Variants in CMIP observed in about 807,000 individuals in gnomAD.
CMIP encodes C-Maf-inducing protein.
In CMIP, 13 loss-of-function variants were observed where a neutral mutation model predicts 97.3. The observed-to-expected ratio is 0.13, with a 90% CI of 0.09 to 0.21. The LOEUF is 0.21. Ranked by LOEUF, CMIP falls within the 10% of genes least tolerant of loss-of-function variation. CMIP has a pLI of 1.00. For synonymous variants in CMIP, 538 were observed against 436.3 expected (o/e 1.23, Z -2.91); for missense variants, 847 against 1,024.9 (o/e 0.83, Z 2.37).
intron 1 of CMIP, among the ~76,000 whole-genome samples, chr16:81,478,605 C>T (rs367894302): frequency 1.1e-4 from 16 of 152,298 alleles, no homozygotes; most frequent in East Asian, 9.6e-4. Context: ...GTGGTCCCCT[C>T]CACCCTCCAG....
chr16:81,696,741 G>C (rs549505520), intron 14 of CMIP, 74 bp downstream of exon 14: 3 of 1,388,260 alleles, frequency 2.2e-6, no homozygotes, highest in Non-Finnish European at 2.9e-6. Flanking sequence ...TAAAACAGCC[G>C]TCCCCCATCC....
intron 17 of CMIP, 142 bp downstream of exon 17, chr16:81,702,811 A>T: frequency 1.4e-6 from 1 of 712,626 alleles, no homozygotes; most frequent in East Asian, 2.7e-5. Context: ...TTAACACGCC[A>T]GCTCTTCCAG....
At chr16:81,502,243 T>TG (rs1221388402) in intron 1 of CMIP, among the ~76,000 whole-genome samples, 5 of 152,222 alleles carry the variant, frequency 3.3e-5, no homozygotes, top group African/African-American at 1.2e-4. Context: ...TTAGGTGAGA[T>TG]GCTACATCAG....
In CMIP at chr16:81,445,341, A is replaced by C; in HGVS notation, c.100A>C (p.Lys34Gln). Reference sequence around the variant, plus strand: ...CGACGTGTCGGCCCCCGAAGGCACGAAGATGGGCGCCGTGCCCTGCCGCCG... The same window carrying C: ...CGACGTGTCGGCCCCCGAAGGCACGCAGATGGGCGCCGTGCCCTGCCGCCG... ...GGDVSAPEGTKMGAVPCRRAL... is the reference protein window; with the variant it reads ...GGDVSAPEGTQMGAVPCRRAL... Residue 34 changes from lysine to glutamine, a missense_variant, in exon 1 of 21, where the codon AAG (lysine) becomes CAG (glutamine). Transcript: ENST00000537098. 6.3e-7 allele frequency: 1 copy of C among 1,598,410 alleles called. No individual in the cohort carries two copies. Among genetic ancestry groups the C allele is most frequent in the Non-Finnish European group, 8.5e-7 (1 of 1,173,250 alleles).
intron 9 of CMIP, among the ~76,000 whole-genome samples, chr16:81,674,935 G>A (rs904185805): frequency 2.6e-5 from 4 of 152,038 alleles, no homozygotes; most frequent in Non-Finnish European, 4.4e-5. Flanking sequence ...ATTTACCAGC[G>A]TACTTTGGGT....
At chr16:81,602,942 G>C (rs972830912) in intron 1 of CMIP, among the ~76,000 whole-genome samples, 2 of 152,184 alleles carry the variant, frequency 1.3e-5, no homozygotes, top group Non-Finnish European at 2.9e-5. Context: ...AGAGGTGCCT[G>C]GGCAGTGTTA....
intron 1 of CMIP, among the ~76,000 whole-genome samples, chr16:81,598,564 G>A (rs1391074381): frequency 1.3e-5 from 2 of 152,046 alleles, no homozygotes; most frequent in African/African-American, 4.8e-5. Flanking sequence ...AACACAAGAG[G>A]GATGTATTTT....
At chr16:81,641,007 G>A (rs1316623904) in intron 3 of CMIP, among the ~76,000 whole-genome samples, 3 of 152,080 alleles carry the variant, frequency 2.0e-5, no homozygotes, top group African/African-American at 7.2e-5. Flanking sequence ...CTCCTCTGCA[G>A]CACGTCCACC....
intron 1 of CMIP, among the ~76,000 whole-genome samples, chr16:81,594,847 G>T (rs1246772739): frequency 1.4e-5 from 2 of 146,400 alleles, no homozygotes; most frequent in Non-Finnish European, 3.0e-5. Context: ...AGCCAGAATG[G>T]TCTCAATCTC....
chr16:81,508,163 A>C (rs1012776953), intron 1 of CMIP, among the ~76,000 whole-genome samples: 1 of 152,228 alleles, frequency 6.6e-6, no homozygotes, highest in Non-Finnish European at 1.5e-5. Flanking sequence ...GTGTGCATTT[A>C]TTTTTGAATA....
intron 1 of CMIP, among the ~76,000 whole-genome samples, chr16:81,454,630 C>T (rs1161057972): frequency 6.6e-6 from 1 of 152,202 alleles, no homozygotes; most frequent in East Asian, 1.9e-4. Flanking sequence ...TTCTGGGGCA[C>T]TGTTCTTGCA....
intron 5 of CMIP, among the ~76,000 whole-genome samples, chr16:81,660,539 T>C (rs1432742249): frequency 6.6e-6 from 1 of 152,198 alleles, no homozygotes; most frequent in Non-Finnish European, 1.5e-5. Context: ...CCTCCCAAAG[T>C]GCTGGGATTA....
chr16:81,445,438 G>A lies in CMIP; in HGVS notation c.197G>A (p.Arg66Gln). The stretch of plus-strand genomic sequence containing the variant: ...GGCGACATTCAGGTCTGTGTCATCC[G>A]GCACCCGCGGACCTTTCTCAGCAAG... ...QEGDIQVCVI[R>Q]HPRTFLSKIL... Residue 66 changes from arginine (R) to glutamine (Q), a missense_variant, in exon 1 of 21, where the codon CGG becomes CAG. By Grantham distance (43) the Arg-to-Gln change is conservative. Around this residue, in one of 4 missense-constraint regions of CMIP, gnomAD observed 285 missense variants for 392.2 expected, o/e 0.73. Coordinates refer to ENST00000537098, the MANE Select transcript of CMIP (RefSeq NM_198390.3). 6.3e-7 allele frequency: 1 copy of A among 1,587,780 alleles called. No homozygotes were observed. Among genetic ancestry groups the A allele is most frequent in the Non-Finnish European group, 8.6e-7 (1 of 1,167,290 alleles).
In CMIP at chr16:81,655,497, T is replaced by C. The variant is rs1219340981; in HGVS notation, c.640-2278T>C. Among the ~76,000 whole-genome samples the C allele has an allele frequency of 6.6e-6, 1 of 152,216 alleles. No homozygotes were observed. The highest frequency in any genetic ancestry group is 2.4e-5 in the African/African-American group (1 of 41,456). ...CTCGAGAGTCAGGTGTTCCCTCTAATGCAGTGGCTATTGGTGGACATGCTC... is the reference window on the plus strand; with the variant it reads ...CTCGAGAGTCAGGTGTTCCCTCTAACGCAGTGGCTATTGGTGGACATGCTC... On this transcript the variant is annotated intron_variant, in intron 4 of 20. Coordinates refer to ENST00000537098, the MANE Select transcript of CMIP (RefSeq NM_198390.3). The surrounding 1 kb of genome is among the most constrained non-coding windows in gnomAD (Gnocchi z 4.9).
At chr16:81,522,957 C>T (rs1204925660) in intron 1 of CMIP, among the ~76,000 whole-genome samples, 1 of 151,882 alleles carries the variant, frequency 6.6e-6, no homozygotes, top group Non-Finnish European at 1.5e-5. Context: ...GACAGTGTCT[C>T]ATTCTGTCAC....
In CMIP at chr16:81,627,558, G is replaced by A. The variant is rs939023660; in HGVS notation, c.477+6632G>A. 1.3e-5 allele frequency among the ~76,000 whole-genome samples: 2 copies of A among 151,930 alleles called. No homozygotes were observed. Among genetic ancestry groups the A allele is most frequent in the Non-Finnish European group, 2.9e-5 (2 of 67,936 alleles). On this transcript the variant is annotated intron_variant, in intron 3 of 20. Transcript: ENST00000537098. The surrounding 1 kb of genome is among the most constrained non-coding windows in gnomAD (Gnocchi z 4.6). ...TGACTCATGGCCTGGGAGGGCTAGG[G>A]TGGGTGGGAAGCCCGCCCTCGAGAC... is the stretch of plus-strand genomic sequence containing the variant.
At chr16:81,662,138 G>C (rs372439383) in intron 6 of CMIP, among the ~76,000 whole-genome samples, 7 of 149,014 alleles carry the variant, frequency 4.7e-5, no homozygotes, top group African/African-American at 1.7e-4. Context: ...CTGAGAGAAC[G>C]GCCAGCTGCT....
intron 1 of CMIP, among the ~76,000 whole-genome samples, chr16:81,477,375 C>T (rs527630263): frequency 5.9e-5 from 9 of 152,262 alleles, no homozygotes; most frequent in South Asian, 2.1e-4. Context: ...TGGCCAGGCT[C>T]GTCTCGAACT....
chr16:81,570,527 A>G (rs2091069160), intron 1 of CMIP, among the ~76,000 whole-genome samples: 1 of 152,100 alleles, frequency 6.6e-6, no homozygotes, highest in African/African-American at 2.4e-5. Context: ...CTAGTTTTGA[A>G]GAAGCCGAGG....
Sources: allele counts gnomAD v4.1 joint callset (sites outside exome capture counted in the v4.1 genomes callset), GRCh38; gene constraint gnomAD v4.1.1; regional missense constraint gnomAD v4.1.1; non-coding constraint Gnocchi (gnomAD v3.1); transcripts MANE v1.5; gene names NCBI Gene and HGNC (gene_info 2026-07-23, HGNC 2026-07-21).